The following AUNIP variants were observed in gnomAD, a reference collection of about 807,000 sequenced individuals.
The protein encoded by AUNIP is aurora kinase A and ninein interacting protein, also known as aurora kinase A- and ninein-interacting protein.
In AUNIP, 16 loss-of-function variants were observed where a neutral mutation model predicts 12.2. The ratio of observed to expected loss-of-function variants is 1.31; its 90% CI spans 0.88 to 1.99. The LOEUF (loss-of-function observed/expected upper bound fraction) is 1.99, where lower values mean the gene tolerates loss of function less well. AUNIP is among the 30% of genes most tolerant of loss of function. The pLI is 0.00. For synonymous variants in AUNIP, 142 were observed against 154.8 expected, an observed-to-expected ratio of 0.92 and a Z score of 0.61; for missense variants, 411 against 419.1, an observed-to-expected ratio of 0.98 and a Z score of 0.17.
chr1:25,853,395 G>C (rs1029703721), intron 1 of AUNIP, among the ~76,000 whole-genome samples: 2 of 152,070 alleles, frequency 1.3e-5, no homozygotes, highest in Non-Finnish European at 2.9e-5. Context: ...TCAGGAGTTT[G>C]AGAACAGCCT....
Position 25,834,840 on chromosome 1 carries a change from C to T in AUNIP, c.*153G>A. 1.4e-6 allele frequency: 2 copies of T among 1,471,578 alleles called. No individual in the cohort carries two copies. Among genetic ancestry groups the T allele is most frequent in the South Asian group, 1.4e-5 (1 of 69,988 alleles). 91.2% of individuals were successfully genotyped at this position (1,471,578 alleles called of 1,614,324 possible). A position where few individuals can be genotyped will look rare whatever the true frequency, so the allele number is the denominator to read the frequency against. On this transcript the variant is annotated 3_prime_UTR_variant, in exon 3 of 3. Coordinates refer to ENST00000374298, the MANE Select transcript of AUNIP (RefSeq NM_024037.3). Reference sequence around the variant, plus strand: ...TCCCACTGTCTTAACAATGGTACTGCCCTTTATTTACACAGAGAAGATGCT... The same window carrying T: ...TCCCACTGTCTTAACAATGGTACTGTCCTTTATTTACACAGAGAAGATGCT...
chr1:25,834,260 G>A lies in AUNIP; in HGVS notation c.*733C>T. 1 of 985,320 alleles carries A rather than the reference G, an allele frequency of 1.0e-6. No homozygotes were observed. Among genetic ancestry groups the A allele is most frequent in the East Asian group, 1.1e-4 (1 of 8,816 alleles). 61.0% of individuals were successfully genotyped at this position (985,320 alleles called of 1,614,324 possible). A position where few individuals can be genotyped will look rare whatever the true frequency, so the allele number is the denominator to read the frequency against. On this transcript the variant is annotated 3_prime_UTR_variant, in exon 3 of 3. Coordinates refer to ENST00000374298, the MANE Select transcript of AUNIP (RefSeq NM_024037.3). ...AGATTTGCTAATCACTGAAAAAAAAGGGTCAAGAGTAATCATCCCAAGCTT... is the reference window on the plus strand; with the variant it reads ...AGATTTGCTAATCACTGAAAAAAAAAGGTCAAGAGTAATCATCCCAAGCTT...
intron 1 of AUNIP, among the ~76,000 whole-genome samples, chr1:25,842,364 G>C (rs1212710192): frequency 6.6e-6 from 1 of 152,220 alleles, no homozygotes; most frequent in East Asian, 1.9e-4. Flanking sequence ...TGCAAGCTGA[G>C]AGAGGTGAGG....
chr1:25,852,128 T>C (rs1447657240), intron 1 of AUNIP, among the ~76,000 whole-genome samples: 2 of 152,066 alleles, frequency 1.3e-5, no homozygotes, highest in Admixed American at 6.6e-5. Context: ...AATTTTTGTA[T>C]TTTTTGGTAG....
chr1:25,852,332 T>C (rs2048428826), intron 1 of AUNIP, among the ~76,000 whole-genome samples: 1 of 152,322 alleles, frequency 6.6e-6, no homozygotes, highest in East Asian at 1.9e-4. Flanking sequence ...GTTGATTGTT[T>C]TTCTTTACTA....
chr1:25,845,792 C>T (rs1357440117), intron 1 of AUNIP, among the ~76,000 whole-genome samples: 3 of 152,158 alleles, frequency 2.0e-5, no homozygotes, highest in Admixed American at 6.5e-5. Flanking sequence ...AGCACAACAG[C>T]AATAGTGCTG....
At chr1:25,839,092 T>C (rs1201899027) in intron 1 of AUNIP, among the ~76,000 whole-genome samples, 3 of 152,122 alleles carry the variant, frequency 2.0e-5, no homozygotes, top group Non-Finnish European at 4.4e-5. Flanking sequence ...CAAAGATACA[T>C]GAAAAAATTG....
chr1:25,832,241 T>C (rs2048254948), downstream of AUNIP: 5 of 1,345,464 alleles, frequency 3.7e-6, no homozygotes, highest in Non-Finnish European at 5.1e-6. Context: ...CCTGAGACAT[T>C]TGTTTCAGGT....
chr1:25,837,386 G>T, intron 2 of AUNIP, 27 bp downstream of exon 2: 1 of 1,603,578 alleles, frequency 6.2e-7, no homozygotes, highest in Non-Finnish European at 8.5e-7. Context: ...TCTGGATAAT[G>T]AAGTATTCCC....
At chr1:25,832,055 A>T, downstream of AUNIP, 2 of 1,613,982 alleles carry the variant, frequency 1.2e-6, no homozygotes, top group South Asian at 1.1e-5. Context: ...ACTCAGTCTC[A>T]TGCTCCTGGA....
chr1:25,859,299 A>G lies in AUNIP; in HGVS notation c.59T>C (p.Leu20Pro). Residue 20 changes from leucine to proline, a missense_variant, in exon 1 of 3, where the codon CTG becomes CCG. Physicochemically the swap from Leu to Pro is moderately conservative, Grantham distance 98 (BLOSUM62 -3). Transcript: ENST00000374298. Reference protein sequence around the residue: ...ACGVWLDAAALKRRKVQTHLI... With the variant: ...ACGVWLDAAAPKRRKVQTHLI... ...TCCCACCTGCACTTTCCGCCTCTTC[A>G]GCGCCGCCGCGTCCAGCCACACGCC... 8 of 1,576,074 alleles carry G rather than the reference A, an allele frequency of 5.1e-6. No homozygotes were observed. Among genetic ancestry groups the G allele is most frequent in the Admixed American group, 1.8e-5 (1 of 54,872 alleles).
intron 1 of AUNIP, among the ~76,000 whole-genome samples, chr1:25,855,044 C>A (rs1019808056): frequency 1.1e-4 from 16 of 150,684 alleles, no homozygotes; most frequent in African/African-American, 3.9e-4. Context: ...GCAACCTCCA[C>A]CTTCTGGCTT....
rs552924133 is a variant in AUNIP at position 25,856,031 on chromosome 1, A to C, written c.78+3249T>G. The stretch of plus-strand genomic sequence containing the variant: ...CATCAACAAGACAAATGTTTTCACC[A>C]TAACATTGCCAGGGAAAAAGGCAGG... On this transcript the variant is annotated intron_variant, in intron 1 of 2. Transcript: ENST00000374298. Among the ~76,000 whole-genome samples the C allele has an allele frequency of 5.3e-5, 8 of 152,318 alleles. No homozygotes were observed. The South Asian group carries it at 1.7e-3, about 32-fold the overall frequency.
chr1:25,838,157 C>G (rs1037980984), intron 1 of AUNIP, among the ~76,000 whole-genome samples: 6 of 151,660 alleles, frequency 4.0e-5, no homozygotes, highest in Non-Finnish European at 8.8e-5. Flanking sequence ...GTTGCTTAAT[C>G]TCATTCTTAG....
intron 1 of AUNIP, among the ~76,000 whole-genome samples, chr1:25,858,097 G>A (rs2048477699): frequency 6.6e-6 from 1 of 152,218 alleles, no homozygotes; most frequent in African/African-American, 2.4e-5. Flanking sequence ...AACCCCGGAG[G>A]TGGGGCTTGC....
In AUNIP at chr1:25,834,367, G is replaced by A; in HGVS notation, c.*626C>T. ...GCGGTGGCTTATGCCTGTAATCTCA[G>A]CACTTTGGGAGGCTGAGGTGGGCGG... On this transcript the variant is annotated 3_prime_UTR_variant, in exon 3 of 3. Transcript: ENST00000374298. 1 of 983,742 alleles carries A rather than the reference G, an allele frequency of 1.0e-6. No homozygotes were observed. Among genetic ancestry groups the A allele is most frequent in the African/African-American group, 1.7e-5 (1 of 57,306 alleles). The allele number at this position is 983,742 out of a possible 1,614,324, so 60.9% of individuals were successfully genotyped here. A position where few individuals can be genotyped will look rare whatever the true frequency, so the allele number is the denominator to read the frequency against.
intron 1 of AUNIP, among the ~76,000 whole-genome samples, chr1:25,843,852 AATAG>A (rs930091626): frequency 7.2e-5 from 10 of 139,512 alleles, no homozygotes; most frequent in African/African-American, 2.7e-4. Flanking sequence ...AATTGCGTCT[AATAG>A]ATAAGCAAAA....
downstream of AUNIP, chr1:25,833,025 C>T (rs887183003): frequency 2.0e-5 from 3 of 152,144 alleles, no homozygotes; most frequent in East Asian, 5.8e-4. Flanking sequence ...GGTGTATGAA[C>T]TTAAACAGGC....
At chr1:25,837,640 G>A (rs2048313932) in intron 1 of AUNIP, 86 bp from the exon 2 acceptor site, 1 of 1,383,686 alleles carries the variant, frequency 7.2e-7, no homozygotes, top group Admixed American at 2.0e-5. Flanking sequence ...GTGATCCTCT[G>A]AGAACCACAC....
Sources: gnomAD v4.1 joint callset for allele counts (sites outside exome capture counted in the v4.1 genomes callset) on GRCh38, gnomAD v4.1.1 for gene constraint, MANE v1.5 for transcripts, NCBI Gene and HGNC (gene_info 2026-07-23, HGNC 2026-07-21) for gene names.